SLC35D4: variants seen among roughly 807,000 people sequenced by gnomAD.
SLC35D4 encodes solute carrier family 35 member D4.
the SLC35D4 span, among the ~76,000 whole-genome samples, chr18:23,250,108 G>C: frequency 6.6e-6 from 1 of 152,216 alleles, no homozygotes; most frequent in Admixed American, 6.5e-5. Context: ...TGCTGTGGTT[G>C]CTGCGAGGAG....
At chr18:23,295,545 G>C in the SLC35D4 span, among the ~76,000 whole-genome samples, 1 of 151,974 alleles carries the variant, frequency 6.6e-6, no homozygotes, top group East Asian at 1.9e-4. Flanking sequence ...AACAACAAAA[G>C]TAAGTTGAAA....
the SLC35D4 span, among the ~76,000 whole-genome samples, chr18:23,383,889 G>T: frequency 6.6e-6 from 1 of 151,364 alleles, no homozygotes; most frequent in Non-Finnish European, 1.5e-5. Flanking sequence ...GGAGCGGCAG[G>T]ATGATGGGGG....
At chr18:23,301,279 C>T in the SLC35D4 span, among the ~76,000 whole-genome samples, 2 of 152,132 alleles carry the variant, frequency 1.3e-5, no homozygotes, top group African/African-American at 4.8e-5. Context: ...GAAGGCCCTT[C>T]TTACGTAGAA....
chr18:23,350,349 A>G, the SLC35D4 span, among the ~76,000 whole-genome samples: 1 of 152,104 alleles, frequency 6.6e-6, no homozygotes, highest in Non-Finnish European at 1.5e-5. Flanking sequence ...TTGCTCCAAC[A>G]CCTTGGGCCA....
the SLC35D4 span, among the ~76,000 whole-genome samples, chr18:23,392,977 A>G: frequency 1.3e-5 from 2 of 152,048 alleles, no homozygotes; most frequent in African/African-American, 2.4e-5. Context: ...GTGCAGTGGC[A>G]TGATCTCGGC....
At chr18:23,272,460 T>G in the SLC35D4 span, among the ~76,000 whole-genome samples, 1 of 152,034 alleles carries the variant, frequency 6.6e-6, no homozygotes, top group African/African-American at 2.4e-5. Context: ...AATAAGTAAA[T>G]ATACTTATTT....
the SLC35D4 span, among the ~76,000 whole-genome samples, chr18:23,267,818 C>T: frequency 6.6e-6 from 1 of 152,236 alleles, no homozygotes; most frequent in Admixed American, 6.5e-5. Context: ...CTTTTCCCCA[C>T]AAGGCCTCCT....
the SLC35D4 span, among the ~76,000 whole-genome samples, chr18:23,391,090 G>A: frequency 2.0e-5 from 3 of 152,020 alleles, no homozygotes; most frequent in Admixed American, 2.0e-4. Flanking sequence ...GCCAGGCATG[G>A]TGGCAGGCAC....
the SLC35D4 span, among the ~76,000 whole-genome samples, chr18:23,324,835 T>C: frequency 1.3e-5 from 2 of 152,168 alleles, no homozygotes; most frequent in Non-Finnish European, 2.9e-5. Flanking sequence ...AAGTGTGCTG[T>C]GGTTAAAGGC....
the SLC35D4 span, chr18:23,368,794 C>G: frequency 3.8e-6 from 5 of 1,301,406 alleles, no homozygotes; most frequent in Middle Eastern, 1.9e-4. Context: ...AGTAGCAGAA[C>G]TATTTTAAAT....
At chr18:23,424,202 T>C in the SLC35D4 span, among the ~76,000 whole-genome samples, 1 of 152,124 alleles carries the variant, frequency 6.6e-6, no homozygotes, top group Non-Finnish European at 1.5e-5. Flanking sequence ...TAACTGGATG[T>C]TGAAGATGAA....
At chr18:23,360,814 A>G in the SLC35D4 span, among the ~76,000 whole-genome samples, 1 of 152,194 alleles carries the variant, frequency 6.6e-6, no homozygotes, top group African/African-American at 2.4e-5. Flanking sequence ...AGGTAATAAA[A>G]GAAGGGGCTG....
chr18:23,357,007 A>G, the SLC35D4 span, among the ~76,000 whole-genome samples: 82 of 152,334 alleles, frequency 5.4e-4, no homozygotes, highest in Non-Finnish European at 9.0e-4. Context: ...AACATGGCTA[A>G]GATTGCACAA....
chr18:23,378,403 C>A, the SLC35D4 span, among the ~76,000 whole-genome samples: 1 of 151,878 alleles, frequency 6.6e-6, no homozygotes, highest in African/African-American at 2.4e-5. Flanking sequence ...TCAGAGCAGT[C>A]CTATAAACTA....
chr18:23,373,842 C>A, the SLC35D4 span: 1 of 1,502,408 alleles, frequency 6.7e-7, no homozygotes, highest in Non-Finnish European at 9.1e-7. Flanking sequence ...GGTGAAAATG[C>A]ATCCTCTGGA....
chr18:23,307,684 CT>C, the SLC35D4 span, among the ~76,000 whole-genome samples: 1 of 152,262 alleles, frequency 6.6e-6, no homozygotes, highest in Non-Finnish European at 1.5e-5. Flanking sequence ...AGTACTTTCT[CT>C]GTGCATCCCT....
the SLC35D4 span, chr18:23,368,823 C>T: frequency 1.0e-6 from 1 of 958,940 alleles, no homozygotes; most frequent in Non-Finnish European, 1.5e-6. Context: ...TAATCATTGT[C>T]TTCTACTAAT....
At chr18:23,249,219 T>C in the SLC35D4 span, among the ~76,000 whole-genome samples, 1,458 of 152,348 alleles carry the variant, frequency 9.6e-3, 29 homozygotes, top group African/African-American at 0.033. Flanking sequence ...TTTGGAATCC[T>C]AGCTGCAAAG....
the SLC35D4 span, chr18:23,437,940 G>T: frequency 1.2e-5 from 17 of 1,439,354 alleles, no homozygotes; most frequent in South Asian, 2.1e-4. Context: ...AGCAGCGGCA[G>T]CGGCAGCAGC....
Sources: gnomAD v4.1 joint callset for allele counts (sites outside exome capture counted in the v4.1 genomes callset) on GRCh38, gnomAD v4.1.1 for gene constraint, MANE v1.5 for transcripts, NCBI Gene and HGNC (gene_info 2026-07-23, HGNC 2026-07-21) for gene names.